Variants in BANK1 observed in about 807,000 individuals in gnomAD.
The protein encoded by BANK1 is B-cell scaffold protein with ankyrin repeats.
In BANK1, 95 loss-of-function variants were observed where a neutral mutation model predicts 94.5. The observed-to-expected ratio is 1.00, with a 90% CI of 0.85 to 1.19. The LOEUF (loss-of-function observed/expected upper bound fraction) is 1.19. Among genes scored for constraint, BANK1 ranks in the 50% most tolerant of loss-of-function variants. BANK1 has a pLI of 0.00. For synonymous variants in BANK1, 334 were observed against 308.4 expected (o/e 1.08, Z -0.87); for missense variants, 987 against 932.2 (o/e 1.06, Z -0.77).
intron 7 of BANK1, among the ~76,000 whole-genome samples, chr4:101,993,462 A>G (rs1477532949): frequency 6.6e-6 from 1 of 152,188 alleles, no homozygotes; most frequent in African/African-American, 2.4e-5. Flanking sequence ...CAGCTTAGGG[A>G]GTAAATGTGG....
chr4:101,885,586 C>T (rs1728821762), intron 5 of BANK1, among the ~76,000 whole-genome samples: 2 of 152,198 alleles, frequency 1.3e-5, no homozygotes, highest in South Asian at 4.1e-4. Context: ...CTTCCCTCAT[C>T]TTATACAACT....
rs1391462358 is a variant in BANK1, at chr4:101,800,525, A to G, written c.70+9575A>G. ...ATATATCATCCCTTCCTTTTTATCC[A>G]TATTGGAATCCATTCATTCTCGTTA... On this transcript the variant is annotated intron_variant, in intron 1 of 16. Transcript: ENST00000322953. 2.6e-5 allele frequency among the ~76,000 whole-genome samples: 4 copies of G among 151,948 alleles called. No homozygotes were observed. The South Asian group carries it at 6.2e-4, about 24-fold the overall frequency.
At chr4:101,793,259 T>G (rs897834664) in intron 1 of BANK1, among the ~76,000 whole-genome samples, 5 of 152,212 alleles carry the variant, frequency 3.3e-5, no homozygotes, top group Admixed American at 6.5e-5. Flanking sequence ...TCTTAAAGAT[T>G]TGAAGCTTTT....
At chr4:101,965,043 A>G (rs912565765) in intron 7 of BANK1, among the ~76,000 whole-genome samples, 3 of 150,462 alleles carry the variant, frequency 2.0e-5, no homozygotes, top group Admixed American at 6.6e-5. Context: ...GCGATAGTTT[A>G]CTGAGAATGA....
intron 10 of BANK1, among the ~76,000 whole-genome samples, chr4:102,035,660 A>G (rs1395018137): frequency 6.6e-6 from 1 of 151,884 alleles, no homozygotes; most frequent in South Asian, 2.1e-4. Context: ...AAAAAAAAAA[A>G]AAAAACTGAA....
intron 7 of BANK1, among the ~76,000 whole-genome samples, chr4:101,941,654 TAA>T (rs1246009802): frequency 6.6e-6 from 1 of 151,726 alleles, no homozygotes; most frequent in African/African-American, 2.4e-5. Flanking sequence ...CTATGTTAAT[TAA>T]AGACAGTGTG....
intron 13 of BANK1, among the ~76,000 whole-genome samples, chr4:102,066,365 T>G (rs1012730282): frequency 6.6e-6 from 1 of 150,634 alleles, no homozygotes; most frequent in Admixed American, 6.6e-5. Flanking sequence ...CACGCTATTC[T>G]CCTGCCTCAG....
intron 2 of BANK1, among the ~76,000 whole-genome samples, chr4:101,838,182 C>T (rs1305866031): frequency 6.6e-6 from 1 of 152,152 alleles, no homozygotes; most frequent in Non-Finnish European, 1.5e-5. Context: ...TGGTTTTGAA[C>T]TCCTGGCTTC....
chr4:102,031,550 A>G (rs2148951299), intron 10 of BANK1, among the ~76,000 whole-genome samples: 1 of 152,306 alleles, frequency 6.6e-6, no homozygotes. Flanking sequence ...AAACATAGTG[A>G]GTAAAGAAAA....
intron 6 of BANK1, among the ~76,000 whole-genome samples, chr4:101,905,884 C>T (rs973822227): frequency 1.2e-4 from 18 of 152,148 alleles, no homozygotes; most frequent in Admixed American, 3.9e-4. Flanking sequence ...ATAAAATCAA[C>T]GTATGGTTCT....
Position 102,026,841 on chromosome 4 carries a change from A to AG in BANK1, c.1594+1334dup, listed in dbSNP as rs61421253. ...CCATCTCAAAAAAAAAAAAAAAAAA[A>AG]GGAATTTAGCATTTGTGTCATTGAA... On this transcript the variant is annotated intron_variant, in intron 9 of 16. Transcript: ENST00000322953. Among the ~76,000 whole-genome samples the AG allele has an allele frequency of 2.6e-5, 4 of 151,384 alleles. No individual in the cohort carries two copies. The East Asian group carries it at 5.8e-4, about 22-fold the overall frequency.
At chr4:102,058,029 T>C (rs1014887452) in intron 11 of BANK1, among the ~76,000 whole-genome samples, 6 of 152,208 alleles carry the variant, frequency 3.9e-5, no homozygotes, top group African/African-American at 1.4e-4. Context: ...TATAATATAA[T>C]AAGCACTTTC....
chr4:101,852,503 T>TATATATATATATAC (rs1448887346), intron 2 of BANK1, among the ~76,000 whole-genome samples: 2 of 80,174 alleles, frequency 2.5e-5, no homozygotes, highest in African/African-American at 4.3e-5. Context: ...TATATATATA[T>TATATATATATATAC]ACACACACAC....
chr4:101,831,656 G>A (rs1726625173), intron 2 of BANK1, among the ~76,000 whole-genome samples: 1 of 152,078 alleles, frequency 6.6e-6, no homozygotes, highest in African/African-American at 2.4e-5. Context: ...TGTATTTTTA[G>A]AGGAGATGAG....
At position 101,870,646 on chromosome 4, in the gene BANK1, T is replaced by TA. The variant is rs1728250629; in HGVS notation, c.903+4dup. Reference sequence around the variant, plus strand: ...GATTCAGGAGAGAGTTTGTGCCAGGTAAGTTAATCTTTCCACGAAGTTAAT... The same window carrying TA: ...GATTCAGGAGAGAGTTTGTGCCAGGTAAAGTTAATCTTTCCACGAAGTTAAT... On this transcript the variant is annotated splice_region_variant and intron_variant, in intron 5 of 16. Coordinates refer to ENST00000322953, the MANE Select transcript of BANK1 (RefSeq NM_017935.5). 1 of 1,607,586 alleles carries TA rather than the reference T, an allele frequency of 6.2e-7. No homozygotes were observed. Among genetic ancestry groups the TA allele is most frequent in the East Asian group, 2.2e-5 (1 of 44,780 alleles).
chr4:101,891,446 G>A (rs1436262085), intron 5 of BANK1, among the ~76,000 whole-genome samples: 4 of 151,918 alleles, frequency 2.6e-5, no homozygotes, highest in Non-Finnish European at 5.9e-5. Flanking sequence ...GAAGTTTTAT[G>A]ATTAGTCTTG....
intron 7 of BANK1, among the ~76,000 whole-genome samples, chr4:102,001,366 C>T (rs1013865208): frequency 3.3e-5 from 5 of 152,186 alleles, no homozygotes; most frequent in Middle Eastern, 3.2e-3. Context: ...TTTTGGGAGG[C>T]CGAGATGGGC....
chr4:102,050,806 G>GA (rs1381577336), intron 11 of BANK1, among the ~76,000 whole-genome samples: 2 of 99,440 alleles, frequency 2.0e-5, no homozygotes, highest in African/African-American at 1.0e-4. Flanking sequence ...GTCAGGTTAT[G>GA]AAAAAAATGA....
chr4:102,022,194 G>A (rs1290281098), intron 8 of BANK1, among the ~76,000 whole-genome samples: 1 of 151,980 alleles, frequency 6.6e-6, no homozygotes, highest in African/African-American at 2.4e-5. Context: ...AGCTTCACCA[G>A]CATGTTTGGT....
Sources: allele counts gnomAD v4.1 joint callset (sites outside exome capture counted in the v4.1 genomes callset), GRCh38; gene constraint gnomAD v4.1.1; transcripts MANE v1.5; gene names NCBI Gene and HGNC (gene_info 2026-07-23, HGNC 2026-07-21).